ARHGAP24: variants seen among roughly 807,000 people sequenced by gnomAD.
ARHGAP24 encodes Rho GTPase activating protein 24, also known as rho GTPase-activating protein 24.
Under a neutral mutation model 76.4 loss-of-function variants are expected in ARHGAP24, and 50 were observed. That is an observed-to-expected ratio of 0.65 (90% confidence interval 0.52 to 0.83). The LOEUF (loss-of-function observed/expected upper bound fraction) is 0.83, where lower values mean the gene tolerates loss of function less well. Among genes scored for constraint, ARHGAP24 ranks in the 40% least tolerant of loss-of-function variants. The pLI is 0.00. For synonymous variants in ARHGAP24, 345 were observed against 323.3 expected, an observed-to-expected ratio of 1.07 and a Z score of -0.72; for missense variants, 930 against 914.2, an observed-to-expected ratio of 1.02 and a Z score of -0.22.
At chr4:85,848,926 G>A (rs1234929057) in intron 3 of ARHGAP24, among the ~76,000 whole-genome samples, 1 of 152,166 alleles carries the variant, frequency 6.6e-6, no homozygotes, top group Non-Finnish European at 1.5e-5. Context: ...TCTTGGAAAT[G>A]CGGGCTCTTT....
At chr4:85,754,569 A>C (rs1425986110) in intron 3 of ARHGAP24, among the ~76,000 whole-genome samples, 1 of 152,192 alleles carries the variant, frequency 6.6e-6, no homozygotes, top group Non-Finnish European at 1.5e-5. Context: ...ATAAAGATAC[A>C]TACGACAGAC....
At chr4:85,786,278 A>G (rs529654173) in intron 3 of ARHGAP24, among the ~76,000 whole-genome samples, 3 of 152,352 alleles carry the variant, frequency 2.0e-5, no homozygotes, top group South Asian at 2.1e-4. Context: ...ATTCCATTGC[A>G]AAGTCTCAAA....
At chr4:85,667,196 G>A (rs1578125034) in intron 2 of ARHGAP24, among the ~76,000 whole-genome samples, 2 of 152,322 alleles carry the variant, frequency 1.3e-5, no homozygotes, top group South Asian at 2.1e-4. Context: ...GGAAGCCTGG[G>A]CAATGGCGGG....
intron 1 of ARHGAP24, among the ~76,000 whole-genome samples, chr4:85,541,782 AC>A (rs2110123428): frequency 6.6e-6 from 1 of 152,298 alleles, no homozygotes; most frequent in Non-Finnish European, 1.5e-5. Flanking sequence ...CCATAAAAAA[AC>A]AGAAGAAGGA....
intron 2 of ARHGAP24, among the ~76,000 whole-genome samples, chr4:85,602,421 G>T (rs1387324332): frequency 6.6e-6 from 1 of 152,108 alleles, no homozygotes; most frequent in African/African-American, 2.4e-5. Context: ...TTGTGCTCAG[G>T]CAAGTGTGTT....
chr4:85,660,991 G>A (rs1722361878), intron 2 of ARHGAP24, among the ~76,000 whole-genome samples: 1 of 152,084 alleles, frequency 6.6e-6, no homozygotes, highest in Non-Finnish European at 1.5e-5. Context: ...TTTGAAGCAT[G>A]CATCTTCCTT....
chr4:85,505,982 T>TC (rs1481853711), intron 1 of ARHGAP24, among the ~76,000 whole-genome samples: 2 of 152,146 alleles, frequency 1.3e-5, no homozygotes, highest in East Asian at 3.9e-4. Context: ...GTCAGGTCCC[T>TC]CAGCTGCAGG....
chr4:85,866,755 G>T (rs913570830), intron 3 of ARHGAP24, among the ~76,000 whole-genome samples: 1 of 152,038 alleles, frequency 6.6e-6, no homozygotes, highest in Non-Finnish European at 1.5e-5. Flanking sequence ...ATTGGCCATG[G>T]AGACATAACC....
chr4:85,961,303 G>A (rs1168299856), intron 5 of ARHGAP24, among the ~76,000 whole-genome samples: 1 of 67,872 alleles, frequency 1.5e-5, no homozygotes, highest in Non-Finnish European at 2.5e-5. Context: ...GATTGTTGAA[G>A]TAAAAGGGAC....
intron 3 of ARHGAP24, among the ~76,000 whole-genome samples, chr4:85,831,998 G>T (rs1156901321): frequency 6.6e-6 from 1 of 152,154 alleles, no homozygotes; most frequent in East Asian, 1.9e-4. Flanking sequence ...AGGAATTGTG[G>T]GGCCAATAGA....
At chr4:85,597,505 C>T (rs1330378412) in intron 2 of ARHGAP24, among the ~76,000 whole-genome samples, 1 of 151,982 alleles carries the variant, frequency 6.6e-6, no homozygotes. Context: ...CATTACCTAT[C>T]CCCCAAGTCT....
intron 5 of ARHGAP24, among the ~76,000 whole-genome samples, chr4:85,967,861 A>G (rs346470): frequency 0.66 from 99,744 of 152,014 alleles, 34,039 homozygotes; most frequent in African/African-American, 0.83. Context: ...CTAGAATCTA[A>G]CAGCAGTTTG....
intron 3 of ARHGAP24, among the ~76,000 whole-genome samples, chr4:85,751,524 C>T (rs1449477109): frequency 6.6e-6 from 1 of 152,118 alleles, no homozygotes; most frequent in East Asian, 1.9e-4. Flanking sequence ...AGATACATTG[C>T]CAAATGTTTT....
At chr4:85,768,783 A>T (rs1330710567) in intron 3 of ARHGAP24, among the ~76,000 whole-genome samples, 1 of 152,174 alleles carries the variant, frequency 6.6e-6, no homozygotes, top group Non-Finnish European at 1.5e-5. Flanking sequence ...TCTGAAAAAA[A>T]AAATGATAGA....
chr4:85,624,334 T>G (rs1020560191), intron 2 of ARHGAP24, among the ~76,000 whole-genome samples: 1 of 152,160 alleles, frequency 6.6e-6, no homozygotes, highest in African/African-American at 2.4e-5. Context: ...TCTGCATCTA[T>G]TGAGATAATC....
At chr4:85,725,422 C>T (rs1725132935) in intron 3 of ARHGAP24, among the ~76,000 whole-genome samples, 1 of 152,178 alleles carries the variant, frequency 6.6e-6, no homozygotes, top group Non-Finnish European at 1.5e-5. Flanking sequence ...CCCCTGTTCC[C>T]GCAAAGACCT....
At chr4:85,536,004 G>A (rs1314989315) in intron 1 of ARHGAP24, among the ~76,000 whole-genome samples, 2 of 152,116 alleles carry the variant, frequency 1.3e-5, no homozygotes, top group Non-Finnish European at 2.9e-5. Flanking sequence ...CCATGACTTA[G>A]TTTACATCGC....
intron 3 of ARHGAP24, among the ~76,000 whole-genome samples, chr4:85,918,262 A>G (rs1039156558): frequency 2.0e-5 from 3 of 151,964 alleles, no homozygotes; most frequent in Non-Finnish European, 2.9e-5. Flanking sequence ...CATAAAATTT[A>G]TATATCTACT....
At chr4:85,679,873 T>C (rs980604448) in intron 2 of ARHGAP24, among the ~76,000 whole-genome samples, 2 of 152,198 alleles carry the variant, frequency 1.3e-5, no homozygotes, top group Admixed American at 6.5e-5. Flanking sequence ...AATTACATTA[T>C]TTTGAAAAAC....
Sources: allele counts gnomAD v4.1 joint callset (sites outside exome capture counted in the v4.1 genomes callset), GRCh38; gene constraint gnomAD v4.1.1; transcripts MANE v1.5; gene names NCBI Gene and HGNC (gene_info 2026-07-23, HGNC 2026-07-21).